SPSB1: variants seen among roughly 807,000 people sequenced by gnomAD.
The protein encoded by SPSB1 is splA/ryanodine receptor domain and SOCS box containing 1, also known as SPRY domain-containing SOCS box protein 1.
Under a neutral mutation model 21.2 loss-of-function variants are expected in SPSB1, and 8 were observed. The ratio of observed to expected loss-of-function variants is 0.38; its 90% CI spans 0.22 to 0.68. The LOEUF is 0.68. SPSB1 is among the 30% of genes least tolerant of loss of function. The pLI is 0.53. For missense variants in SPSB1, 242 were observed against 377.8 expected (o/e 0.64, Z 2.98); for synonymous variants, 169 against 161.7 (o/e 1.05, Z -0.34).
At chr1:9,318,575 G>C (rs1214831198) in intron 1 of SPSB1, among the ~76,000 whole-genome samples, 2 of 152,228 alleles carry the variant, frequency 1.3e-5, no homozygotes, top group Non-Finnish European at 2.9e-5. Flanking sequence ...CAGCCTCTTT[G>C]AGCCTTGGTT....
chr1:9,294,080 C>G (rs886413847), intron 1 of SPSB1, among the ~76,000 whole-genome samples: 1 of 143,698 alleles, frequency 7.0e-6, no homozygotes, highest in Non-Finnish European at 1.5e-5. Context: ...GTGTGTGCCT[C>G]TCTGTGTATG....
At chr1:9,339,193 G>A in intron 1 of SPSB1, 16 of 983,726 alleles carry the variant, frequency 1.6e-5, no homozygotes, top group Non-Finnish European at 1.8e-5. Context: ...CCAGCGGTGA[G>A]GACCTGTGGG....
At position 9,367,109 on chromosome 1, in the gene SPSB1, C is replaced by A. The variant is rs1299330822; in HGVS notation, c.695-339C>A. Among the ~76,000 whole-genome samples the A allele has an allele frequency of 6.6e-6, 1 of 152,168 alleles. No homozygotes were observed. The highest frequency in any genetic ancestry group is 1.5e-5 in the Non-Finnish European group (1 of 68,040). ...GCTGCATCTCCTGCCAGCAGGGCGACCCCTGGCAAGTCATTTAGACTCTGT... is the reference window on the plus strand; with the variant it reads ...GCTGCATCTCCTGCCAGCAGGGCGAACCCTGGCAAGTCATTTAGACTCTGT... On this transcript the variant is annotated intron_variant, in intron 2 of 2. Transcript: ENST00000328089. The surrounding 1 kb of genome is among the most constrained non-coding windows in gnomAD (Gnocchi z 5.9).
In SPSB1 at chr1:9,363,625, G is replaced by A. The variant is rs1156627375; in HGVS notation, c.695-3823G>A. Among the ~76,000 whole-genome samples, 1 of 152,186 alleles carries A rather than the reference G, an allele frequency of 6.6e-6. No homozygotes were observed. The highest frequency in any genetic ancestry group is 1.5e-5 in the Non-Finnish European group (1 of 68,036). The stretch of plus-strand genomic sequence containing the variant: ...TGCCCCACAGGCCATGGCTGGGGCT[G>A]GGGCTGCGGTGTCAGCCACTCAAAA... On this transcript the variant is annotated intron_variant, in intron 2 of 2. Coordinates refer to ENST00000328089, the MANE Select transcript of SPSB1 (RefSeq NM_025106.4). This position sits in a 1 kb window ranked among gnomAD's most constrained non-coding sequence, Gnocchi z 4.5.
At chr1:9,319,317 C>T (rs9728382) in intron 1 of SPSB1, among the ~76,000 whole-genome samples, 2,564 of 152,304 alleles carry the variant, frequency 0.017, 79 homozygotes, top group African/African-American at 0.056. Context: ...GACATGTGTG[C>T]GCTGCCCTGG....
intron 1 of SPSB1, among the ~76,000 whole-genome samples, chr1:9,354,800 C>CA (rs5772367): frequency 0.013 from 1,908 of 146,432 alleles, 19 homozygotes; most frequent in African/African-American, 0.044. Context: ...GACTGCGTCT[C>CA]AAAAAAAAAA....
At chr1:9,350,390 C>CA (rs2100509964) in intron 1 of SPSB1, among the ~76,000 whole-genome samples, 1 of 152,332 alleles carries the variant, frequency 6.6e-6, no homozygotes, top group Admixed American at 6.5e-5. Flanking sequence ...GAGGAGGAGG[C>CA]AGGCGCGGTC....
rs917439129 is a variant in SPSB1, at chr1:9,317,758, C to T, written c.-150+24687C>T. 2.0e-5 allele frequency among the ~76,000 whole-genome samples: 3 copies of T among 152,104 alleles called. No homozygotes were observed. Among genetic ancestry groups the T allele is most frequent in the African/African-American group, 7.2e-5 (3 of 41,432 alleles). On this transcript the variant is annotated intron_variant, in intron 1 of 2. Transcript: ENST00000328089. This position sits in a 1 kb window ranked among gnomAD's most constrained non-coding sequence, Gnocchi z 4.3. ...TTGGCCTCCCAGAGTGTTGGGATTACAGGCGTGAGTCACCGTGCCTGGCCA... is the reference window on the plus strand; with the variant it reads ...TTGGCCTCCCAGAGTGTTGGGATTATAGGCGTGAGTCACCGTGCCTGGCCA...
At chr1:9,336,477 C>T (rs951453348) in intron 1 of SPSB1, among the ~76,000 whole-genome samples, 14 of 152,162 alleles carry the variant, frequency 9.2e-5, no homozygotes, top group Non-Finnish European at 1.3e-4. Context: ...CCACCTGCCT[C>T]GGCCTCCCAA....
chr1:9,305,860 G>T lies in SPSB1; in HGVS notation c.-150+12789G>T, dbSNP rs1019117263. On this transcript the variant is annotated intron_variant, in intron 1 of 2. Coordinates refer to ENST00000328089, the MANE Select transcript of SPSB1 (RefSeq NM_025106.4). The surrounding 1 kb of genome is among the most constrained non-coding windows in gnomAD (Gnocchi z 4.8). ...CAGGCCCGTCTCTGCTGATGATAGC[G>T]CTCAGGGTATCAGAGGACACTGGTG... Among the ~76,000 whole-genome samples the T allele has an allele frequency of 1.3e-5, 2 of 152,144 alleles. No individual in the cohort carries two copies. Among genetic ancestry groups the T allele is most frequent in the African/African-American group, 4.8e-5 (2 of 41,418 alleles).
chr1:9,338,553 A>G (rs538503757), intron 1 of SPSB1, among the ~76,000 whole-genome samples: 26 of 152,334 alleles, frequency 1.7e-4, no homozygotes, highest in African/African-American at 6.3e-4. Flanking sequence ...AGGAGGAAGT[A>G]TACTTTCTTC....
chr1:9,349,681 G>C (rs187460610), intron 1 of SPSB1, among the ~76,000 whole-genome samples: 1 of 152,238 alleles, frequency 6.6e-6, no homozygotes, highest in African/African-American at 2.4e-5. Context: ...TCGACTCTTC[G>C]ATCCAGATGA....
rs927041231 is a variant in SPSB1 at position 9,326,424 on chromosome 1, T to G, written c.-149-29319T>G. On this transcript the variant is annotated intron_variant, in intron 1 of 2. Coordinates refer to ENST00000328089, the MANE Select transcript of SPSB1 (RefSeq NM_025106.4). ...AGTGGGTGGTGTCGGAGGAGTCACC[T>G]CACACTGCCTGGGCACAGTGGCCAA... Among the ~76,000 whole-genome samples the G allele has an allele frequency of 2.6e-5, 4 of 152,270 alleles. No homozygotes were observed. The East Asian group carries it at 7.7e-4, about 29-fold the overall frequency.
At chr1:9,316,140 G>C (rs1639609156) in intron 1 of SPSB1, among the ~76,000 whole-genome samples, 1 of 152,208 alleles carries the variant, frequency 6.6e-6, no homozygotes, top group South Asian at 2.1e-4. Context: ...TCCTGACTCA[G>C]CCTTGCCCTG....
intron 1 of SPSB1, among the ~76,000 whole-genome samples, chr1:9,316,417 T>A (rs564528412): frequency 3.3e-5 from 5 of 152,264 alleles, no homozygotes; most frequent in Admixed American, 3.3e-4. Context: ...TATGTGCTTG[T>A]GTGTGTGTCC....
At chr1:9,360,921 T>TG (rs1190876639) in intron 2 of SPSB1, among the ~76,000 whole-genome samples, 3 of 152,128 alleles carry the variant, frequency 2.0e-5, no homozygotes, top group Admixed American at 1.3e-4. Context: ...CTGCCACCTG[T>TG]GGGGGGTGAA....
intron 1 of SPSB1, among the ~76,000 whole-genome samples, chr1:9,328,945 G>T (rs1639869629): frequency 6.6e-6 from 1 of 152,204 alleles, no homozygotes; most frequent in South Asian, 2.1e-4. Context: ...ATCTCCCAGG[G>T]TACGCTGGGG....
chr1:9,316,660 C>T (rs952507835), intron 1 of SPSB1, among the ~76,000 whole-genome samples: 3 of 152,190 alleles, frequency 2.0e-5, no homozygotes, highest in Admixed American at 2.0e-4. Context: ...GGGGCACAGG[C>T]GCAGGTGGTC....
intron 2 of SPSB1, among the ~76,000 whole-genome samples, chr1:9,365,400 A>T (rs1640552224): frequency 6.6e-6 from 1 of 152,140 alleles, no homozygotes; most frequent in South Asian, 2.1e-4. Flanking sequence ...TACAGGTATG[A>T]GCCACTGTGC....
Sources: allele counts gnomAD v4.1 joint callset (sites outside exome capture counted in the v4.1 genomes callset), GRCh38; gene constraint gnomAD v4.1.1; non-coding constraint Gnocchi (gnomAD v3.1); transcripts MANE v1.5; gene names NCBI Gene and HGNC (gene_info 2026-07-23, HGNC 2026-07-21).